Variants in FGFR2 observed in about 807,000 individuals in gnomAD.
The protein encoded by FGFR2 is fibroblast growth factor receptor 2.
FGFR2 carries 19 observed loss-of-function variants against 95.9 expected under a neutral mutation model. That is an observed-to-expected ratio of 0.20 (90% confidence interval 0.14 to 0.29). The LOEUF is 0.29. Among genes scored for constraint, FGFR2 ranks in the 10% least tolerant of loss-of-function variants. The pLI, the probability that FGFR2 is intolerant of heterozygous loss-of-function variation, is 1.00. For missense variants in FGFR2, 707 were observed against 1,056.9 expected (o/e 0.67, Z 4.59); for synonymous variants, 392 against 393.3 (o/e 1.00, Z 0.04).
chr10:121,574,144 C>T (rs1023208696), intron 2 of FGFR2, among the ~76,000 whole-genome samples: 2 of 152,116 alleles, frequency 1.3e-5, no homozygotes, highest in African/African-American at 4.8e-5. Flanking sequence ...GAGATTTCTG[C>T]AAGATAGGGT....
In FGFR2 at chr10:121,483,702, T is replaced by C. The variant is rs765724372; in HGVS notation, c.2297A>G (p.Asn766Ser). ...DLDRILTLTT[N>S]EEYLDLSQPL... ...CTTCTAGAAGGAAGTTCTTACCTCATTGGTTGTGAGAGTGAGAATTCGATC... is the reference window on the plus strand; with the variant it reads ...CTTCTAGAAGGAAGTTCTTACCTCACTGGTTGTGAGAGTGAGAATTCGATC... Residue 766 changes from asparagine to serine, a missense_variant, in exon 17 of 18, where the codon AAT becomes AGT. Physicochemically the swap from Asn to Ser is conservative, Grantham distance 46. Around this residue, in one of 7 missense-constraint regions of FGFR2, gnomAD observed 104 missense variants for 214.2 expected, o/e 0.49. Transcript: ENST00000358487. The C allele has an allele frequency of 9.9e-6, 16 of 1,612,566 alleles. No individual in the cohort carries two copies. Among genetic ancestry groups the C allele is most frequent in the Non-Finnish European group, 1.3e-5 (15 of 1,178,934 alleles).
At position 121,517,189 on chromosome 10, in the gene FGFR2, C is replaced by T; in HGVS notation, c.1084+130G>A. On this transcript the variant is annotated intron_variant, in intron 8 of 17. Coordinates refer to ENST00000358487, the MANE Select transcript of FGFR2 (RefSeq NM_000141.5). This position sits in a 1 kb window ranked among gnomAD's most constrained non-coding sequence, Gnocchi z 4.7. ...GGCAGTTTTCTTATCCCTGAGGGAT[C>T]ATTTTTAACATTTTTTATATCTTTA... 1 of 1,027,832 alleles carries T rather than the reference C, an allele frequency of 9.7e-7. No individual in the cohort carries two copies. Among genetic ancestry groups the T allele is most frequent in the East Asian group, 2.6e-5 (1 of 39,184 alleles). The allele number at this position is 1,027,832 out of a possible 1,614,324, so 63.7% of individuals were successfully genotyped here.
rs1490372341 is a variant in FGFR2, at chr10:121,571,644, AAACAAAC to A, written c.110-5947_110-5941del. Among the ~76,000 whole-genome samples, 373 of 143,334 alleles carry A rather than the reference AAACAAAC, an allele frequency of 2.6e-3. 4 individuals carry two copies. Among genetic ancestry groups the A allele is most frequent in the African/African-American group, 8.0e-3 (315 of 39,322 alleles). 94.0% of individuals were successfully genotyped at this position (143,334 alleles called of 152,430 possible). On this transcript the variant is annotated intron_variant, in intron 2 of 17. Coordinates refer to ENST00000358487, the MANE Select transcript of FGFR2 (RefSeq NM_000141.5). ...TTTAAAAACAAACAAACAAACAAAC[AAACAAAC>A]AAAAACGACTGGCCGGGCGCGGTGG... is the stretch of plus-strand genomic sequence containing the variant.
chr10:121,521,074 C>CCATT (rs1194103141), intron 6 of FGFR2, among the ~76,000 whole-genome samples: 1 of 152,224 alleles, frequency 6.6e-6, no homozygotes, highest in East Asian at 1.9e-4. Context: ...GGAATTCACT[C>CCATT]CATTCATTCA....
At chr10:121,581,592 A>G (rs1860892320) in intron 2 of FGFR2, among the ~76,000 whole-genome samples, 1 of 149,906 alleles carries the variant, frequency 6.7e-6, no homozygotes, top group Non-Finnish European at 1.5e-5. Flanking sequence ...AAAAAAAAAG[A>G]AAAAAAGAAA....
At chr10:121,548,937 T>C (rs558719034) in intron 5 of FGFR2, among the ~76,000 whole-genome samples, 6 of 152,322 alleles carry the variant, frequency 3.9e-5, no homozygotes, top group South Asian at 2.1e-4. Flanking sequence ...AATCTCATCG[T>C]ATCTGGTCTA....
rs751495618 is a variant in FGFR2 at position 121,487,371 on chromosome 10, G to A, written c.2040C>T (p.Tyr680=). The change falls in exon 15 of 18, where the codon TAC becomes TAT. Residue 680 remains tyrosine, a synonymous_variant. Coordinates refer to ENST00000358487, the MANE Select transcript of FGFR2 (RefSeq NM_000141.5). The part of the protein sequence containing the change: ...MAPEALFDRV[Y]THQSDVWSFG... The stretch of plus-strand genomic sequence containing the variant: ...TTACTCACACATCACTCTGATGAGT[G>A]TATACTCTATCAAACAGGGCTTCTG... 5 of 1,613,802 alleles carry A rather than the reference G, an allele frequency of 3.1e-6. No homozygotes were observed. The Admixed American group carries it at 8.3e-5, about 27-fold the overall frequency.
chr10:121,586,618 G>A (rs769144538), intron 2 of FGFR2, among the ~76,000 whole-genome samples: 12 of 152,080 alleles, frequency 7.9e-5, no homozygotes, highest in Non-Finnish European at 1.3e-4. Flanking sequence ...CCATGGTACC[G>A]GTTTCCCAAA....
chr10:121,510,186 C>G (rs113824104), intron 9 of FGFR2, among the ~76,000 whole-genome samples: 122 of 152,338 alleles, frequency 8.0e-4, no homozygotes, highest in African/African-American at 2.7e-3. Flanking sequence ...CAGACACTCA[C>G]TTTTCTCCCA....
chr10:121,551,195 G>A lies in FGFR2; in HGVS notation c.624+95C>T, dbSNP rs934560993. 20 of 1,417,702 alleles carry A rather than the reference G, an allele frequency of 1.4e-5. No individual in the cohort carries two copies. In the African/African-American group the frequency reaches 2.9e-4, roughly 20 times the overall value. The allele number at this position is 1,417,702 out of a possible 1,614,324, so 87.8% of individuals were successfully genotyped here. A position where few individuals can be genotyped will look rare whatever the true frequency, so the allele number is the denominator to read the frequency against. Reference sequence around the variant, plus strand: ...AGATCGCACCACGGCACTCCAGCCTGGGCGACAGAGCGAGACTCCATCGCA... The same window carrying A: ...AGATCGCACCACGGCACTCCAGCCTAGGCGACAGAGCGAGACTCCATCGCA... On this transcript the variant is annotated intron_variant, in intron 5 of 17. Transcript: ENST00000358487.
At chr10:121,551,713 CTT>C (rs1259175480) in intron 4 of FGFR2, among the ~76,000 whole-genome samples, 7 of 152,144 alleles carry the variant, frequency 4.6e-5, no homozygotes, top group African/African-American at 1.4e-4. Flanking sequence ...CCTTCTCTCT[CTT>C]GTTCTTGATG....
chr10:121,572,825 T>C (rs1252092492), intron 2 of FGFR2, among the ~76,000 whole-genome samples: 1 of 152,158 alleles, frequency 6.6e-6, no homozygotes, highest in African/African-American at 2.4e-5. Context: ...CAGCAGACCA[T>C]TTGACATCAC....
At chr10:121,592,577 C>T (rs1208513297) in intron 2 of FGFR2, among the ~76,000 whole-genome samples, 1 of 152,166 alleles carries the variant, frequency 6.6e-6, no homozygotes, top group African/African-American at 2.4e-5. Flanking sequence ...GAGCCCATGT[C>T]TCTCAGAACT....
intron 2 of FGFR2, among the ~76,000 whole-genome samples, chr10:121,574,350 G>A (rs976080351): frequency 1.5e-4 from 23 of 152,116 alleles, no homozygotes; most frequent in African/African-American, 4.3e-4. Context: ...CCAACAAGAC[G>A]AAACCCCGTC....
intron 15 of FGFR2, among the ~76,000 whole-genome samples, chr10:121,486,488 C>T (rs893237368): frequency 2.0e-5 from 3 of 152,196 alleles, no homozygotes; most frequent in Non-Finnish European, 4.4e-5. Context: ...TGTTGCCAGG[C>T]TGGAGTGCAG....
chr10:121,526,421 C>T (rs186182360), intron 6 of FGFR2, among the ~76,000 whole-genome samples: 3 of 152,318 alleles, frequency 2.0e-5, no homozygotes, highest in East Asian at 3.9e-4. Flanking sequence ...AGGCCCCACG[C>T]TAATTACAAT....
intron 2 of FGFR2, among the ~76,000 whole-genome samples, chr10:121,581,932 G>T (rs1426891648): frequency 9.9e-6 from 1 of 100,908 alleles, no homozygotes; most frequent in Non-Finnish European, 1.9e-5. Flanking sequence ...TATTTATTTT[G>T]ATTTTTTTTT....
Position 121,485,359 on chromosome 10 carries a change from C to T in FGFR2, c.2195+36G>A. ...AGAGGTATTACTGGTGTGGCAAGTC[C>T]ACTGGGGCACCGGCAGGAAAGACAA... On this transcript the variant is annotated intron_variant, in intron 16 of 17. Transcript: ENST00000358487. The surrounding 1 kb of genome is among the most constrained non-coding windows in gnomAD (Gnocchi z 4.2). 6.2e-7 allele frequency: 1 copy of T among 1,613,828 alleles called. No homozygotes were observed. The highest frequency in any genetic ancestry group is 8.5e-7 in the Non-Finnish European group (1 of 1,179,930).
chr10:121,515,008 G>A (rs1217733861), intron 9 of FGFR2, 109 bp downstream of exon 9: 27 of 1,031,086 alleles, frequency 2.6e-5, no homozygotes, highest in Non-Finnish European at 2.7e-5. Flanking sequence ...AGAATCACTC[G>A]CACATGGAAG....
Sources: allele counts gnomAD v4.1 joint callset (sites outside exome capture counted in the v4.1 genomes callset), GRCh38; gene constraint gnomAD v4.1.1; regional missense constraint gnomAD v4.1.1; non-coding constraint Gnocchi (gnomAD v3.1); transcripts MANE v1.5; gene names NCBI Gene and HGNC (gene_info 2026-07-23, HGNC 2026-07-21).